Variants in AGMO observed in about 807,000 individuals in gnomAD.
AGMO encodes glyceryl-ether monooxygenase.
AGMO carries 75 observed loss-of-function variants against 60.2 expected under a neutral mutation model. That is an observed-to-expected ratio of 1.25 (90% confidence interval 1.03 to 1.51). The LOEUF is 1.51. Ranked by LOEUF, AGMO falls within the 40% of genes most tolerant of loss-of-function variation. The pLI is 0.00. For missense variants in AGMO, 763 were observed against 525.5 expected (o/e 1.45, Z -4.42); for synonymous variants, 261 against 177.1 (o/e 1.47, Z -3.76).
At chr7:15,386,554 G>T (rs1052073758) in intron 9 of AGMO, among the ~76,000 whole-genome samples, 1 of 152,166 alleles carries the variant, frequency 6.6e-6, no homozygotes, top group African/African-American at 2.4e-5. Flanking sequence ...AACGGAAGTG[G>T]GAAACTTATT....
chr7:15,188,988 T>C, the AGMO span, among the ~76,000 whole-genome samples: 33 of 152,238 alleles, frequency 2.2e-4, no homozygotes, highest in African/African-American at 7.7e-4. Flanking sequence ...AAATTTGAGG[T>C]AAAATGATGG....
At chr7:15,426,693 G>A (rs1302745804) in intron 4 of AGMO, among the ~76,000 whole-genome samples, 1 of 152,034 alleles carries the variant, frequency 6.6e-6, no homozygotes, top group Non-Finnish European at 1.5e-5. Context: ...AGGTTGCAGT[G>A]GGCTGAGACA....
chr7:15,203,564 G>C (rs1429538690), intron 12 of AGMO, among the ~76,000 whole-genome samples: 4 of 150,676 alleles, frequency 2.7e-5, no homozygotes, highest in Non-Finnish European at 5.9e-5. Flanking sequence ...CCTTCAAAGA[G>C]ATGTACAACT....
At chr7:15,375,020 T>G (rs1434443428) in intron 10 of AGMO, among the ~76,000 whole-genome samples, 1 of 152,054 alleles carries the variant, frequency 6.6e-6, no homozygotes, top group African/African-American at 2.4e-5. Flanking sequence ...GAAAATCTCA[T>G]GATTCACTGG....
At chr7:15,206,224 C>T (rs1781435749) in intron 12 of AGMO, among the ~76,000 whole-genome samples, 1 of 152,026 alleles carries the variant, frequency 6.6e-6, no homozygotes, top group South Asian at 2.1e-4. Context: ...GAACTGGAAA[C>T]ATCAGAAATA....
In AGMO at chr7:15,292,581, T is replaced by C. The variant is rs188925795; in HGVS notation, c.1263+72933A>G. Among the ~76,000 whole-genome samples the C allele has an allele frequency of 3.6e-3, 546 of 152,186 alleles. 1 individual carries two copies. Among genetic ancestry groups the C allele is most frequent in the Admixed American group, 8.1e-3 (123 of 15,276 alleles). On this transcript the variant is annotated intron_variant, in intron 12 of 12. Coordinates refer to ENST00000342526, the MANE Select transcript of AGMO (RefSeq NM_001004320.2). ...TAAAGAAAAGCATGTTACAATATTG[T>C]AGAGGTTCTTTCTGCACTTGTTTAT...
rs1356037082 is a variant in AGMO, at chr7:15,481,866, A to G, written c.410-50758T>C. Among the ~76,000 whole-genome samples, 6 of 149,200 alleles carry G rather than the reference A, an allele frequency of 4.0e-5. No individual in the cohort carries two copies. The Admixed American group carries it at 4.0e-4, about 10-fold the overall frequency. ...TGGAAATAGCAGTGTATGTTCTCTG[A>G]ACACACTGGGACTAAGACAGGAATC... On this transcript the variant is annotated intron_variant, in intron 3 of 12. Coordinates refer to ENST00000342526, the MANE Select transcript of AGMO (RefSeq NM_001004320.2).
At chr7:15,250,853 G>T (rs928369982) in intron 12 of AGMO, among the ~76,000 whole-genome samples, 2 of 151,880 alleles carry the variant, frequency 1.3e-5, no homozygotes, top group Non-Finnish European at 2.9e-5. Flanking sequence ...GCTGAGGCAG[G>T]AGAATCGCTT....
At chr7:15,357,098 A>G (rs1369348206) in intron 12 of AGMO, among the ~76,000 whole-genome samples, 1 of 151,592 alleles carries the variant, frequency 6.6e-6, no homozygotes, top group Non-Finnish European at 1.5e-5. Context: ...CACAGAAGCG[A>G]GACTCTGTCT....
chr7:15,461,198 C>T (rs6461184), intron 3 of AGMO, among the ~76,000 whole-genome samples: 1 of 151,912 alleles, frequency 6.6e-6, no homozygotes, highest in Admixed American at 6.6e-5. Flanking sequence ...AGTCAACTGC[C>T]TCATTATCAC....
chr7:15,561,707 A>G lies in AGMO; in HGVS notation c.126+13T>C. 1.3e-6 allele frequency: 2 copies of G among 1,597,638 alleles called. No individual in the cohort carries two copies. ...AGCAAGAATAAGAGTAGCCTCTTCC[A>G]ATAAAGTCTCACCTTTTTTACATAA... On this transcript the variant is annotated intron_variant, in intron 1 of 12. Coordinates refer to ENST00000342526, the MANE Select transcript of AGMO (RefSeq NM_001004320.2).
At chr7:15,394,786 T>C (rs571293236) in intron 5 of AGMO, among the ~76,000 whole-genome samples, 4 of 152,334 alleles carry the variant, frequency 2.6e-5, no homozygotes, top group African/African-American at 9.6e-5. Flanking sequence ...GTGATCCTAC[T>C]TATTCAAATA....
chr7:15,422,879 A>G (rs937521958), intron 4 of AGMO, among the ~76,000 whole-genome samples: 2 of 152,172 alleles, frequency 1.3e-5, no homozygotes, highest in African/African-American at 2.4e-5. Context: ...GGATTTCAGC[A>G]GAGGATGCAG....
chr7:15,359,491 G>A (rs1294583879), intron 12 of AGMO, among the ~76,000 whole-genome samples: 1 of 152,070 alleles, frequency 6.6e-6, no homozygotes, highest in African/African-American at 2.4e-5. Context: ...TAAACATTGA[G>A]AAGAGTCAAA....
intron 3 of AGMO, among the ~76,000 whole-genome samples, chr7:15,493,520 C>G (rs1243851678): frequency 6.6e-6 from 1 of 151,080 alleles, no homozygotes; most frequent in African/African-American, 2.4e-5. Flanking sequence ...TCTGCAGGCG[C>G]CCGCCACCAC....
chr7:15,353,835 G>A (rs1782349243), intron 12 of AGMO, among the ~76,000 whole-genome samples: 1 of 152,084 alleles, frequency 6.6e-6, no homozygotes, highest in Non-Finnish European at 1.5e-5. Flanking sequence ...TGGGAGAAGG[G>A]ACAGGTGAGT....
chr7:15,255,775 T>C (rs1043290410), intron 12 of AGMO, among the ~76,000 whole-genome samples: 1 of 152,192 alleles, frequency 6.6e-6, no homozygotes, highest in African/African-American at 2.4e-5. Context: ...ATCATTTCTG[T>C]GGAGGCTTTT....
intron 12 of AGMO, among the ~76,000 whole-genome samples, chr7:15,342,654 C>T (rs890847986): frequency 4.0e-5 from 6 of 151,448 alleles, no homozygotes; most frequent in African/African-American, 7.3e-5. Context: ...TGATTTTGCG[C>T]GCGTGTGTGT....
intron 5 of AGMO, among the ~76,000 whole-genome samples, chr7:15,397,664 C>A (rs1236484707): frequency 1.3e-5 from 2 of 152,200 alleles, no homozygotes; most frequent in Non-Finnish European, 2.9e-5. Flanking sequence ...GGGGTGCTAT[C>A]CACTATTTTT....
Sources: gnomAD v4.1 joint callset for allele counts (sites outside exome capture counted in the v4.1 genomes callset) on GRCh38, gnomAD v4.1.1 for gene constraint, MANE v1.5 for transcripts, NCBI Gene and HGNC (gene_info 2026-07-23, HGNC 2026-07-21) for gene names.